Variants in SVEP1 observed in about 807,000 individuals in gnomAD.
SVEP1 encodes the protein sushi, von Willebrand factor type A, EGF and pentraxin domain containing 1.
A neutral mutation model predicts 367.3 loss-of-function variants in SVEP1; 164 were observed. The ratio of observed to expected loss-of-function variants is 0.45; its 90% confidence interval spans 0.39 to 0.51. The LOEUF (loss-of-function observed/expected upper bound fraction) is 0.51. SVEP1 is among the 20% of genes least tolerant of loss of function. The pLI is 0.00. For missense variants in SVEP1, 4,117 were observed against 4,425.3 expected, an observed-to-expected ratio of 0.93 and a Z score of 1.98; for synonymous variants, 1,666 against 1,611.6, an observed-to-expected ratio of 1.03 and a Z score of -0.81.
chr9:110,579,376 C>T lies in SVEP1; in HGVS notation c.168G>A (p.Ala56=). The change falls in exon 1 of 48, where the codon GCG becomes GCA. Residue 56 remains alanine, a synonymous_variant. Transcript: ENST00000374469. The surrounding 1 kb of genome is among the most constrained non-coding windows in gnomAD (Gnocchi z 5.3). ...IPAPPAPGDE[A]AGSRVERLGQ... ...CCAGCCGCTCCACTCTGCTCCCCGCCGCTTCGTCGCCAGGAGCGGGCGGCG... is the reference window on the plus strand; with the variant it reads ...CCAGCCGCTCCACTCTGCTCCCCGCTGCTTCGTCGCCAGGAGCGGGCGGCG... 1.3e-6 allele frequency: 2 copies of T among 1,562,642 alleles called. No individual in the cohort carries two copies. Among genetic ancestry groups the T allele is most frequent in the Non-Finnish European group, 1.7e-6 (2 of 1,154,740 alleles).
intron 1 of SVEP1, among the ~76,000 whole-genome samples, chr9:110,566,473 T>C (rs1830495655): frequency 6.6e-6 from 1 of 152,216 alleles, no homozygotes. Context: ...TTCATTATCA[T>C]ATACCATGAT....
At chr9:110,391,344 C>G (rs1827652663) in intron 40 of SVEP1, among the ~76,000 whole-genome samples, 2 of 149,166 alleles carry the variant, frequency 1.3e-5, no homozygotes, top group African/African-American at 4.9e-5. Context: ...AATCTCGGCT[C>G]TCTGCAACCT....
intron 40 of SVEP1, among the ~76,000 whole-genome samples, chr9:110,391,271 CTTTTT>C (rs35309188): frequency 8.0e-6 from 1 of 125,240 alleles, no homozygotes; most frequent in Admixed American, 8.0e-5. Context: ...TACTTTTTGT[CTTTTT>C]TTTTTTTTTT....
rs554723693 is a variant in SVEP1, at chr9:110,442,530, G to A, written c.4639+1015C>T. ...GGCTGGAGTGCAGTGGCATGATCTC[G>A]GCTCACGGCAATCTTCGCCTCCTGG... is the stretch of plus-strand genomic sequence containing the variant. On this transcript the variant is annotated intron_variant, in intron 27 of 47. Coordinates refer to ENST00000374469, the MANE Select transcript of SVEP1 (RefSeq NM_153366.4). 2.7e-5 allele frequency: 4 copies of A among 149,262 alleles called. No individual in the cohort carries two copies. In the East Asian group the frequency reaches 5.9e-4, roughly 22 times the overall value. The allele number at this position is 149,262 out of a possible 1,614,324, so 9.2% of individuals were successfully genotyped here.
At chr9:110,566,231 AGAATCACTT>A (rs1485369577) in intron 1 of SVEP1, among the ~76,000 whole-genome samples, 1 of 151,764 alleles carries the variant, frequency 6.6e-6, no homozygotes, top group African/African-American at 2.4e-5. Flanking sequence ...CTGATGTGGG[AGAATCACTT>A]GAACCTGGGA....
At chr9:110,400,710 G>A (rs926419684) in intron 40 of SVEP1, 144 bp downstream of exon 40, 5 of 932,378 alleles carry the variant, frequency 5.4e-6, no homozygotes, top group Non-Finnish European at 7.5e-6. Flanking sequence ...ATATTTCTTG[G>A]AAAATGTTAG....
intron 40 of SVEP1, among the ~76,000 whole-genome samples, chr9:110,394,588 A>T (rs1333238442): frequency 6.6e-6 from 1 of 152,214 alleles, no homozygotes; most frequent in Non-Finnish European, 1.5e-5. Context: ...AATGGCAAAG[A>T]AGTTAACAAC....
intron 36 of SVEP1, among the ~76,000 whole-genome samples, chr9:110,414,024 G>T (rs1588042490): frequency 6.6e-6 from 1 of 152,092 alleles, no homozygotes; most frequent in East Asian, 1.9e-4. Context: ...ATCAGAATTT[G>T]GTTGATCAGT....
intron 40 of SVEP1, among the ~76,000 whole-genome samples, chr9:110,399,139 T>C (rs1827817320): frequency 6.6e-6 from 1 of 152,144 alleles, no homozygotes; most frequent in South Asian, 2.1e-4. Context: ...ATGTGGCATA[T>C]ATACACCATG....
At chr9:110,387,904 G>T (rs148803619) in intron 41 of SVEP1, among the ~76,000 whole-genome samples, 1 of 151,948 alleles carries the variant, frequency 6.6e-6, no homozygotes, top group Non-Finnish European at 1.5e-5. Context: ...TAGTATAAGC[G>T]TGTCTCCGAT....
chr9:110,499,006 A>T (rs1829491263), intron 7 of SVEP1, 35 bp downstream of exon 7: 17 of 1,580,986 alleles, frequency 1.1e-5, no homozygotes, highest in Non-Finnish European at 1.5e-5. Context: ...ATATTAAAAA[A>T]TTTGATTTTT....
At chr9:110,576,060 C>G (rs971805791) in intron 1 of SVEP1, among the ~76,000 whole-genome samples, 1 of 152,140 alleles carries the variant, frequency 6.6e-6, no homozygotes, top group African/African-American at 2.4e-5. Context: ...GCACCATTTT[C>G]TGCAGAGCAA....
At chr9:110,474,550 C>T (rs568876072) in intron 14 of SVEP1, among the ~76,000 whole-genome samples, 37 of 152,100 alleles carry the variant, frequency 2.4e-4, no homozygotes, top group Non-Finnish European at 4.6e-4. Context: ...TGACAAATAT[C>T]GCTCATCTCA....
chr9:110,392,133 T>TTATATATATATATATATA lies in SVEP1; in HGVS notation c.9823-2564_9823-2547dup, dbSNP rs35109985. On this transcript the variant is annotated intron_variant, in intron 40 of 47. Transcript: ENST00000374469. ...CATTAACTTGTGACCCAATTCCTCA[T>TTATATATATATATATATA]TATATATATATATATATATATCTCT... 1.4e-3 allele frequency among the ~76,000 whole-genome samples: 142 copies of TTATATATATATATATATA among 99,556 alleles called. 1 individual carries two copies. Among genetic ancestry groups the TTATATATATATATATATA allele is most frequent in the Middle Eastern group, 5.6e-3 (1 of 180 alleles). The allele number at this position is 99,556 out of a possible 152,430, so 65.3% of individuals were successfully genotyped here. A position where few individuals can be genotyped will look rare whatever the true frequency, so the allele number is the denominator to read the frequency against.
chr9:110,434,550 TG>T (rs754083776), intron 29 of SVEP1, 44 bp from the exon 30 acceptor site: 1 of 1,579,276 alleles, frequency 6.3e-7, no homozygotes, highest in East Asian at 2.3e-5. Context: ...AGCGGCATAG[TG>T]GTAGCATCAC....
In SVEP1 at chr9:110,579,507, C is replaced by T. The variant is rs1325805811; in HGVS notation, c.37G>A (p.Ala13Thr). 2 of 1,605,412 alleles carry T rather than the reference C, an allele frequency of 1.2e-6. No homozygotes were observed. The highest frequency in any genetic ancestry group is 3.4e-5 in the Admixed American group (2 of 59,460). The change falls in exon 1 of 48, where the codon GCG (alanine) becomes ACG (threonine). Residue 13 changes from alanine (A) to threonine (T), a missense_variant. Around this residue, in one of 4 missense-constraint regions of SVEP1, gnomAD observed 17 missense variants for 27.5 expected, o/e 0.62. Coordinates refer to ENST00000374469, the MANE Select transcript of SVEP1 (RefSeq NM_153366.4). This position sits in a 1 kb window ranked among gnomAD's most constrained non-coding sequence, Gnocchi z 5.3. Reference protein sequence around the residue: ...PRLAFCCWGLALVSGWATFQQ... With the variant: ...PRLAFCCWGLTLVSGWATFQQ... ...AAGGTCGCCCAGCCCGAAACGAGCGCCAGACCCCAGCAACAAAAGGCCAGG... is the reference window on the plus strand; with the variant it reads ...AAGGTCGCCCAGCCCGAAACGAGCGTCAGACCCCAGCAACAAAAGGCCAGG...
In SVEP1 at chr9:110,481,272, T is replaced by C. The variant is rs1305960553; in HGVS notation, c.2335A>G (p.Thr779Ala). The change falls in exon 12 of 48, where the codon ACA becomes GCA. Residue 779 changes from threonine to alanine, a missense_variant. This residue lies in a region of SVEP1 where 2,174 missense variants were observed against 2,494.3 expected (regional missense o/e 0.87). Transcript: ENST00000374469. Reference sequence around the variant, plus strand: ...CAGTCTGGCCATTCAGTGGTATATGTTGGTTTCCAGACGCCATCTTCATAA... The same window carrying C: ...CAGTCTGGCCATTCAGTGGTATATGCTGGTTTCCAGACGCCATCTTCATAA... The part of the protein sequence containing the change: ...CAYEDGVWKP[T>A]YTTEWPDCAK... 1.2e-6 allele frequency: 2 copies of C among 1,602,938 alleles called. No individual in the cohort carries two copies. Among genetic ancestry groups the C allele is most frequent in the Admixed American group, 1.7e-5 (1 of 58,708 alleles).
intron 25 of SVEP1, 102 bp downstream of exon 25, chr9:110,446,797 GT>G: frequency 1.4e-5 from 14 of 1,025,608 alleles, no homozygotes; most frequent in South Asian, 5.7e-5. Context: ...GCTTGGCATC[GT>G]TTTTGGCCTA....
At chr9:110,527,392 TA>T (rs1169934235) in intron 3 of SVEP1, among the ~76,000 whole-genome samples, 1 of 152,126 alleles carries the variant, frequency 6.6e-6, no homozygotes. Flanking sequence ...AAAGGATTTT[TA>T]TTTTTTCTTT....
Sources: allele counts gnomAD v4.1 joint callset (sites outside exome capture counted in the v4.1 genomes callset), GRCh38; gene constraint gnomAD v4.1.1; regional missense constraint gnomAD v4.1.1; non-coding constraint Gnocchi (gnomAD v3.1); transcripts MANE v1.5; gene names NCBI Gene and HGNC (gene_info 2026-07-23, HGNC 2026-07-21).